The following RNASEH1 variants were observed in gnomAD, a reference collection of about 807,000 sequenced individuals.
RNASEH1 encodes the protein ribonuclease H type II.
A neutral mutation model predicts 34.6 loss-of-function variants in RNASEH1; 27 were observed. The observed-to-expected ratio is 0.78, with a 90% CI of 0.58 to 1.08. The LOEUF is 1.08. RNASEH1 is among the 50% of genes least tolerant of loss of function. RNASEH1 has a pLI of 0.00. For synonymous variants in RNASEH1, 162 were observed against 138.4 expected (o/e 1.17, Z -1.20); for missense variants, 349 against 373.6 (o/e 0.93, Z 0.54).
intron 3 of RNASEH1, 35 bp downstream of exon 3, chr2:3,552,109 T>C (rs1351289234): frequency 1.1e-5 from 17 of 1,570,064 alleles, no homozygotes; most frequent in Non-Finnish European, 1.4e-5. Flanking sequence ...TTCCTGACTG[T>C]GGTATTAAAA....
At chr2:3,534,063 G>C in the RNASEH1 span, 1 of 152,238 alleles carries the variant, frequency 6.6e-6, no homozygotes, top group African/African-American at 2.4e-5. Flanking sequence ...TAAAAACCCT[G>C]GACTCAGCCA....
chr2:3,558,301 C>A lies in RNASEH1; in HGVS notation c.-41G>T, dbSNP rs545769754. On this transcript the variant is annotated 5_prime_UTR_variant, in exon 1 of 8. Coordinates refer to ENST00000315212, the MANE Select transcript of RNASEH1 (RefSeq NM_002936.6). The stretch of plus-strand genomic sequence containing the variant: ...CCGGGAAGCATTTCGACTCCCGGCC[C>A]AGCGTGGGCGCGAGCCGCCGGCGCT... The A allele has an allele frequency of 6.7e-7, 1 of 1,497,394 alleles. No homozygotes were observed. Among genetic ancestry groups the A allele is most frequent in the East Asian group, 2.6e-5 (1 of 39,024 alleles). 92.8% of individuals were successfully genotyped at this position (1,497,394 alleles called of 1,614,324 possible).
chr2:3,540,719 G>A (rs577142969), downstream of RNASEH1, among the ~76,000 whole-genome samples: 37 of 152,046 alleles, frequency 2.4e-4, no homozygotes, highest in Non-Finnish European at 4.3e-4. Flanking sequence ...CATCATCTGT[G>A]TTGTGAAAAT....
At chr2:3,534,474 G>A in the RNASEH1 span, among the ~76,000 whole-genome samples, 4 of 152,364 alleles carry the variant, frequency 2.6e-5, no homozygotes, top group Non-Finnish European at 5.9e-5. Flanking sequence ...CACAGGTGGT[G>A]GGAACGGTTG....
intron 2 of RNASEH1, 84 bp downstream of exon 2, chr2:3,556,705 G>A (rs530689449): frequency 8.3e-6 from 7 of 840,588 alleles, no homozygotes; most frequent in South Asian, 5.7e-5. Flanking sequence ...ATGCCTAGAG[G>A]GTAGCTATAT....
At chr2:3,546,487 T>C (rs1668766098) in intron 7 of RNASEH1, among the ~76,000 whole-genome samples, 1 of 152,258 alleles carries the variant, frequency 6.6e-6, no homozygotes, top group Admixed American at 6.5e-5. Flanking sequence ...AACCTTACTA[T>C]TGTTTGAAAC....
rs1668513080 is a variant in RNASEH1, at chr2:3,543,893, C to A, written c.*1892G>T. Among the ~76,000 whole-genome samples, 1 of 152,148 alleles carries A rather than the reference C, an allele frequency of 6.6e-6. No individual in the cohort carries two copies. Among genetic ancestry groups the A allele is most frequent in the Non-Finnish European group, 1.5e-5 (1 of 68,022 alleles). On this transcript the variant is annotated 3_prime_UTR_variant, in exon 8 of 8. Coordinates refer to ENST00000315212, the MANE Select transcript of RNASEH1 (RefSeq NM_002936.6). Reference sequence around the variant, plus strand: ...CCTCCCAAAGTGCTGGGATTACAGGCATAAGACACCATGCCCAGCCCATGA... The same window carrying A: ...CCTCCCAAAGTGCTGGGATTACAGGAATAAGACACCATGCCCAGCCCATGA...
rs769898297 is a variant in RNASEH1, at chr2:3,558,279, G to C, written c.-19C>G. ...AGCTCATCGCTCACTCCCGGCACCG[G>C]GAAGCATTTCGACTCCCGGCCCAGC... On this transcript the variant is annotated 5_prime_UTR_variant, in exon 1 of 8. Transcript: ENST00000315212. 8 of 1,544,930 alleles carry C rather than the reference G, an allele frequency of 5.2e-6. No individual in the cohort carries two copies. Among genetic ancestry groups the C allele is most frequent in the Non-Finnish European group, 7.0e-6 (8 of 1,150,032 alleles).
At chr2:3,557,154 A>G (rs1660592169) in intron 1 of RNASEH1, among the ~76,000 whole-genome samples, 1 of 152,228 alleles carries the variant, frequency 6.6e-6, no homozygotes. Context: ...TATAATACCT[A>G]ATACAATCTA....
In RNASEH1 at chr2:3,545,603, T is replaced by C; in HGVS notation, c.*182A>G. 1.7e-6 allele frequency: 1 copy of C among 597,722 alleles called. No homozygotes were observed. Among genetic ancestry groups the C allele is most frequent in the Non-Finnish European group, 3.0e-6 (1 of 333,878 alleles). 37.0% of individuals were successfully genotyped at this position (597,722 alleles called of 1,614,324 possible). On this transcript the variant is annotated 3_prime_UTR_variant, in exon 8 of 8. Transcript: ENST00000315212. Reference sequence around the variant, plus strand: ...CCAATCTCAAAGATGTTCAATTTATTATATACTTAACCATTTTTTATAAAC... The same window carrying C: ...CCAATCTCAAAGATGTTCAATTTATCATATACTTAACCATTTTTTATAAAC...
In RNASEH1 at chr2:3,544,838, A is replaced by T. The variant is rs1668593345; in HGVS notation, c.*947T>A. 1 of 151,390 alleles carries T rather than the reference A, an allele frequency of 6.6e-6. No individual in the cohort carries two copies. The highest frequency in any genetic ancestry group is 1.5e-5 in the Non-Finnish European group (1 of 67,896). 9.4% of individuals were successfully genotyped at this position (151,390 alleles called of 1,614,324 possible). On this transcript the variant is annotated 3_prime_UTR_variant, in exon 8 of 8. Transcript: ENST00000315212. ...TGCCCAGGATGGAGTGCAGTGGTGC[A>T]ATCTTGGCTCACTGCAACCTCTGCC... is the stretch of plus-strand genomic sequence containing the variant.
intron 1 of RNASEH1, chr2:3,557,924 A>C (rs1660682761): frequency 6.5e-7 from 1 of 1,530,360 alleles, no homozygotes. Flanking sequence ...TATTTCAAAC[A>C]AGTCTTCGGT....
chr2:3,552,206 T>G lies in RNASEH1; in HGVS notation c.347A>C (p.Lys116Thr). The G allele has an allele frequency of 6.2e-7, 1 of 1,613,194 alleles. No homozygotes were observed. Among genetic ancestry groups the G allele is most frequent in the Non-Finnish European group, 8.5e-7 (1 of 1,179,968 alleles). ...CGGCTCCACGCTCGGCTTCATGTGC[T>G]TTGCATACGGCTCTGCGCTTTCATG... is the stretch of plus-strand genomic sequence containing the variant. ...DGHESAEPYA[K>T]HMKPSVEPAP... Residue 116 changes from lysine (K) to threonine (T), a missense_variant, in exon 3 of 8, where the codon AAG (lysine) becomes ACG (threonine). This residue lies in a region of RNASEH1 where 256 missense variants were observed against 240.7 expected (regional missense o/e 1.06). Coordinates refer to ENST00000315212, the MANE Select transcript of RNASEH1 (RefSeq NM_002936.6).
chr2:3,544,588 G>A lies in RNASEH1; in HGVS notation c.*1197C>T, dbSNP rs1196097862. On this transcript the variant is annotated 3_prime_UTR_variant, in exon 8 of 8. Transcript: ENST00000315212. ...GAGAAGAAGAGGGCTGTGGCTGGAG[G>A]GGCACTTGGGAGAGCCTCCTGGGGT... 2.0e-5 allele frequency among the ~76,000 whole-genome samples: 3 copies of A among 152,132 alleles called. No individual in the cohort carries two copies. The highest frequency in any genetic ancestry group is 4.4e-5 in the Non-Finnish European group (3 of 68,032).
Position 3,553,397 on chromosome 2 carries a change from G to GT in RNASEH1, c.245-1090dup, listed in dbSNP as rs1181652826. On this transcript the variant is annotated intron_variant, in intron 2 of 7. Transcript: ENST00000315212. ...GGGACCTCAAGGTTAATCCCAAATAGTTTTTTTTTTTTGAGACAGAGTCTT... is the reference window on the plus strand; with the variant it reads ...GGGACCTCAAGGTTAATCCCAAATAGTTTTTTTTTTTTTGAGACAGAGTCTT... 5.9e-3 allele frequency among the ~76,000 whole-genome samples: 853 copies of GT among 144,776 alleles called. 2 individuals carry two copies. The highest frequency in any genetic ancestry group is 0.014 in the African/African-American group (565 of 39,804). The allele number at this position is 144,776 out of a possible 152,430, so 95.0% of individuals were successfully genotyped here.
the RNASEH1 span, among the ~76,000 whole-genome samples, chr2:3,536,008 T>C: frequency 2.0e-5 from 3 of 152,226 alleles, no homozygotes; most frequent in Non-Finnish European, 4.4e-5. Flanking sequence ...CACCAGGTCC[T>C]GTACTGACCA....
intron 6 of RNASEH1, 96 bp from the exon 7 acceptor site, chr2:3,548,151 C>T (rs1189029817): frequency 2.1e-6 from 3 of 1,441,038 alleles, no homozygotes; most frequent in Non-Finnish European, 2.9e-6. Flanking sequence ...CACTTGTATT[C>T]TGAGTCACCA....
rs983856969 is a variant in RNASEH1 at position 3,545,080 on chromosome 2, C to A, written c.*705G>T. On this transcript the variant is annotated 3_prime_UTR_variant, in exon 8 of 8. Transcript: ENST00000315212. ...GTGAGCCACTGTGCCCAGCCGGTGT[C>A]TTACTTTTTTTTTTTTTTTTTTAAT... 6.9e-6 allele frequency: 1 copy of A among 145,094 alleles called. No individual in the cohort carries two copies. Among genetic ancestry groups the A allele is most frequent in the Admixed American group, 7.1e-5 (1 of 14,100 alleles). 9.0% of individuals were successfully genotyped at this position (145,094 alleles called of 1,614,324 possible).
In RNASEH1 at chr2:3,548,977, GA is replaced by G. The variant is rs901076525; in HGVS notation, c.564+80del. On this transcript the variant is annotated intron_variant, in intron 5 of 7. Transcript: ENST00000315212. ...TTCAAATATCTTATATGTATAGGTAGAAAAAAAAAGAATTAGTTTATTTGAT... is the reference window on the plus strand; with the variant it reads ...TTCAAATATCTTATATGTATAGGTAGAAAAAAAAGAATTAGTTTATTTGAT... 1.3e-4 allele frequency: 144 copies of G among 1,132,748 alleles called. 2 individuals carry two copies. The highest frequency in any genetic ancestry group is 2.6e-4 in the Middle Eastern group (1 of 3,830). 70.2% of individuals were successfully genotyped at this position (1,132,748 alleles called of 1,614,324 possible).
Sources: gnomAD v4.1 joint callset for allele counts (sites outside exome capture counted in the v4.1 genomes callset) on GRCh38, gnomAD v4.1.1 for gene constraint, gnomAD v4.1.1 regional missense constraint, MANE v1.5 for transcripts, NCBI Gene and HGNC (gene_info 2026-07-23, HGNC 2026-07-21) for gene names.